The following AGBL4 variants were observed in gnomAD, a reference collection of about 807,000 sequenced individuals.
AGBL4 encodes cytosolic carboxypeptidase 6.
Under a neutral mutation model 66.4 loss-of-function variants are expected in AGBL4, and 58 were observed. The observed-to-expected ratio is 0.87, with a 90% CI of 0.71 to 1.09. The LOEUF (loss-of-function observed/expected upper bound fraction) is 1.09. Ranked by LOEUF, AGBL4 falls within the 50% of genes least tolerant of loss-of-function variation. The pLI is 0.00. For synonymous variants in AGBL4, 234 were observed against 222.9 expected (o/e 1.05, Z -0.44); for missense variants, 579 against 631.0 (o/e 0.92, Z 0.88).
intron 5 of AGBL4, among the ~76,000 whole-genome samples, chr1:49,023,396 C>G (rs10888642): frequency 0.57 from 86,763 of 151,916 alleles, 25,192 homozygotes; most frequent in Non-Finnish European, 0.61. Flanking sequence ...TTGGTATTAT[C>G]CAGCTGTGTG....
chr1:49,739,788 T>C (rs373416385), intron 2 of AGBL4, among the ~76,000 whole-genome samples: 1 of 152,178 alleles, frequency 6.6e-6, no homozygotes, highest in African/African-American at 2.4e-5. Context: ...CAGAATTTCA[T>C]AACCAGCCAA....
chr1:49,619,105 G>C lies in AGBL4; in HGVS notation c.282+78208C>G, dbSNP rs149648693. Among the ~76,000 whole-genome samples the C allele has an allele frequency of 7.2e-3, 1,091 of 152,214 alleles. 7 individuals carry two copies. The highest frequency in any genetic ancestry group is 0.012 in the Non-Finnish European group (818 of 68,014). Reference sequence around the variant, plus strand: ...ACCACTCCTATTCAACATAGAACTGGAAGTTCTGGTCAGGGCAATCAGGCA... The same window carrying C: ...ACCACTCCTATTCAACATAGAACTGCAAGTTCTGGTCAGGGCAATCAGGCA... On this transcript the variant is annotated intron_variant, in intron 3 of 13. Transcript: ENST00000371839.
intron 6 of AGBL4, among the ~76,000 whole-genome samples, chr1:48,677,667 G>A (rs1248302669): frequency 2.0e-5 from 3 of 152,294 alleles, no homozygotes; most frequent in East Asian, 3.9e-4. Flanking sequence ...AAAACCCTGC[G>A]CTCTTCCCTG....
intron 3 of AGBL4, among the ~76,000 whole-genome samples, chr1:49,334,474 T>C (rs1051943967): frequency 3.3e-5 from 5 of 152,234 alleles, no homozygotes; most frequent in African/African-American, 7.2e-5. Flanking sequence ...CTAATCATTA[T>C]TATTAATGAT....
chr1:48,836,187 AC>A, intron 6 of AGBL4, among the ~76,000 whole-genome samples: 1 of 151,412 alleles, frequency 6.6e-6, no homozygotes, highest in Non-Finnish European at 1.5e-5. Context: ...AGGACAGGCA[AC>A]CCAGATATGT....
chr1:49,905,083 T>C (rs1353362439), intron 1 of AGBL4, among the ~76,000 whole-genome samples: 1 of 152,202 alleles, frequency 6.6e-6, no homozygotes, highest in East Asian at 1.9e-4. Context: ...AAAAAGATAT[T>C]TATTTTCAGG....
chr1:49,663,109 TGGA>T (rs1419581566), intron 3 of AGBL4, among the ~76,000 whole-genome samples: 1 of 152,066 alleles, frequency 6.6e-6, no homozygotes, highest in African/African-American at 2.4e-5. Flanking sequence ...TAAAACACAC[TGGA>T]GGAGTTTAAC....
intron 3 of AGBL4, among the ~76,000 whole-genome samples, chr1:49,529,808 C>T (rs1650951135): frequency 6.6e-6 from 1 of 151,990 alleles, no homozygotes; most frequent in African/African-American, 2.4e-5. Context: ...TGGCTTCTAG[C>T]AGACAGTTAA....
chr1:50,018,444 C>T (rs1311760710), intron 1 of AGBL4, among the ~76,000 whole-genome samples: 1 of 152,098 alleles, frequency 6.6e-6, no homozygotes, highest in Non-Finnish European at 1.5e-5. Flanking sequence ...TGAGAAACAT[C>T]AAATTCATCT....
chr1:49,604,251 T>C (rs868308185), intron 3 of AGBL4, among the ~76,000 whole-genome samples: 5 of 152,336 alleles, frequency 3.3e-5, no homozygotes, highest in Middle Eastern at 3.4e-3. Context: ...GCTTTTTGAC[T>C]TTTTAATAAT....
At chr1:49,897,557 TC>T (rs1416952575) in intron 1 of AGBL4, among the ~76,000 whole-genome samples, 1 of 152,014 alleles carries the variant, frequency 6.6e-6, no homozygotes, top group African/African-American at 2.4e-5. Flanking sequence ...TTCAATGCAA[TC>T]CCTGTCAAAA....
chr1:48,556,457 C>G (rs576361792), intron 11 of AGBL4, among the ~76,000 whole-genome samples: 3 of 152,302 alleles, frequency 2.0e-5, no homozygotes, highest in South Asian at 4.1e-4. Flanking sequence ...TAAGAACAAG[C>G]ATATTATATC....
intron 6 of AGBL4, among the ~76,000 whole-genome samples, chr1:48,749,014 T>C (rs989286940): frequency 2.6e-5 from 4 of 151,478 alleles, no homozygotes; most frequent in African/African-American, 9.7e-5. Flanking sequence ...AGCAGCAGAG[T>C]TGAAATGGAT....
chr1:48,946,268 C>T (rs1476182456), intron 5 of AGBL4, among the ~76,000 whole-genome samples: 1 of 152,180 alleles, frequency 6.6e-6, no homozygotes, highest in East Asian at 1.9e-4. Flanking sequence ...ATCCTTAGCC[C>T]AGGGTACAGG....
chr1:49,000,349 T>C (rs1481297755), intron 5 of AGBL4, among the ~76,000 whole-genome samples: 1 of 152,180 alleles, frequency 6.6e-6, no homozygotes, highest in Non-Finnish European at 1.5e-5. Flanking sequence ...TGACTGCACA[T>C]GTCACTCCAT....
At chr1:49,890,032 C>T (rs1420952901) in intron 1 of AGBL4, among the ~76,000 whole-genome samples, 1 of 152,112 alleles carries the variant, frequency 6.6e-6, no homozygotes, top group African/African-American at 2.4e-5. Context: ...AATCGGGATT[C>T]AAAGTAGAAT....
rs779574934 is a variant in AGBL4, at chr1:48,587,143, G to A, written c.1128C>T (p.Asp376=). Residue 376 remains aspartate, a synonymous_variant, in exon 11 of 14, where the codon GAC becomes GAT. Coordinates refer to ENST00000371839, the MANE Select transcript of AGBL4 (RefSeq NM_032785.4). ...FSYSSTSFNR[D]AVKAGTGRRF... is the part of the protein sequence containing the mutation. ...GACGGCCAGTTCCTGCTTTCACAGC[G>A]TCCCGGTTAAAGGATGTGCTGGACT... 4.5e-5 allele frequency: 70 copies of A among 1,556,662 alleles called. No individual in the cohort carries two copies. The highest frequency in any genetic ancestry group is 5.1e-5 in the Non-Finnish European group (59 of 1,150,122).
intron 3 of AGBL4, among the ~76,000 whole-genome samples, chr1:49,591,989 A>G (rs1398693495): frequency 1.3e-5 from 2 of 152,202 alleles, no homozygotes; most frequent in African/African-American, 2.4e-5. Flanking sequence ...AAAACCCTGG[A>G]AGAAAACCTA....
intron 4 of AGBL4, among the ~76,000 whole-genome samples, chr1:49,113,059 T>C (rs1267201828): frequency 6.6e-6 from 1 of 151,748 alleles, no homozygotes; most frequent in Non-Finnish European, 1.5e-5. Context: ...TGCGCCATTC[T>C]CCTGTCTCAG....
Sources: allele counts gnomAD v4.1 joint callset (sites outside exome capture counted in the v4.1 genomes callset), GRCh38; gene constraint gnomAD v4.1.1; transcripts MANE v1.5; gene names NCBI Gene and HGNC (gene_info 2026-07-23, HGNC 2026-07-21).